Variants in KLF3 observed in about 807,000 individuals in gnomAD.
KLF3 encodes Krueppel-like factor 3.
KLF3 carries 6 observed loss-of-function variants against 32.7 expected under a neutral mutation model. The ratio of observed to expected loss-of-function variants is 0.18; its 90% CI spans 0.10 to 0.36. KLF3 has a LOEUF of 0.36. KLF3 is among the 10% of genes least tolerant of loss of function. KLF3 has a pLI of 1.00. For missense variants in KLF3, 338 were observed against 449.7 expected (o/e 0.75, Z 2.25); for synonymous variants, 145 against 172.8 (o/e 0.84, Z 1.26).
chr4:38,670,640 C>T (rs1416721649), intron 1 of KLF3, among the ~76,000 whole-genome samples: 1 of 152,210 alleles, frequency 6.6e-6, no homozygotes, highest in African/African-American at 2.4e-5. Context: ...GTTCCTGTTC[C>T]GCTGAGTTTC....
At chr4:38,694,506 T>G (rs1170026878) in intron 4 of KLF3, among the ~76,000 whole-genome samples, 1 of 152,198 alleles carries the variant, frequency 6.6e-6, no homozygotes, top group Non-Finnish European at 1.5e-5. Flanking sequence ...GAACCCTGTT[T>G]TTATTCATCT....
intron 1 of KLF3, among the ~76,000 whole-genome samples, chr4:38,676,122 C>T (rs1049694162): frequency 6.6e-6 from 1 of 152,144 alleles, no homozygotes; most frequent in Non-Finnish European, 1.5e-5. Flanking sequence ...CCTATCTTGT[C>T]TTTGTTAAAA....
At chr4:38,686,808 T>A (rs1480337308) in intron 2 of KLF3, among the ~76,000 whole-genome samples, 2 of 152,190 alleles carry the variant, frequency 1.3e-5, no homozygotes, top group African/African-American at 4.8e-5. Context: ...CAGATAAAGA[T>A]AAACACAGTT....
At position 38,686,206 on chromosome 4, in the gene KLF3, A is replaced by T. The variant is rs1371736482; in HGVS notation, c.58-2379A>T. Among the ~76,000 whole-genome samples, 6 of 152,096 alleles carry T rather than the reference A, an allele frequency of 3.9e-5. No individual in the cohort carries two copies. The East Asian group carries it at 1.2e-3, about 29-fold the overall frequency. On this transcript the variant is annotated intron_variant, in intron 2 of 5. Coordinates refer to ENST00000261438, the MANE Select transcript of KLF3 (RefSeq NM_016531.6). Reference sequence around the variant, plus strand: ...ATGTCTGTAATCCTAGAACTTTGGGAGGTTGAGGCAGGCAGATCACTTGAG... The same window carrying T: ...ATGTCTGTAATCCTAGAACTTTGGGTGGTTGAGGCAGGCAGATCACTTGAG...
intron 1 of KLF3, among the ~76,000 whole-genome samples, chr4:38,675,556 A>C (rs368086995): frequency 2.0e-5 from 3 of 152,346 alleles, no homozygotes; most frequent in South Asian, 4.1e-4. Flanking sequence ...AAAAAAATAG[A>C]ACCACATTTA....
At chr4:38,691,059 T>C (rs1722863217) in intron 4 of KLF3, among the ~76,000 whole-genome samples, 1 of 152,182 alleles carries the variant, frequency 6.6e-6, no homozygotes, top group Admixed American at 6.5e-5. Context: ...TATATTTCAT[T>C]ATTCCTCACA....
chr4:38,695,012 A>C, intron 5 of KLF3, 106 bp downstream of exon 5: 2 of 984,714 alleles, frequency 2.0e-6, no homozygotes, highest in Non-Finnish European at 3.0e-6. Context: ...AAGTCACCAC[A>C]GTCATCTCCA....
At chr4:38,685,074 C>T (rs747317347) in intron 2 of KLF3, among the ~76,000 whole-genome samples, 3 of 152,206 alleles carry the variant, frequency 2.0e-5, no homozygotes, top group East Asian at 1.9e-4. Context: ...GGGGCCAGTA[C>T]AGCCGTGCTT....
intron 2 of KLF3, among the ~76,000 whole-genome samples, chr4:38,682,197 T>TA (rs1722546568): frequency 6.6e-6 from 1 of 152,210 alleles, no homozygotes; most frequent in African/African-American, 2.4e-5. Flanking sequence ...TAGCTGGGAT[T>TA]ACAGGCGCAT....
At chr4:38,697,042 A>C (rs936240640) in intron 5 of KLF3, 40 bp from the exon 6 acceptor site, 6 of 1,525,586 alleles carry the variant, frequency 3.9e-6, no homozygotes, top group Non-Finnish European at 5.3e-6. Context: ...TACTACCTTT[A>C]CAGAAAAAAA....
At chr4:38,667,351 GAT>G (rs939418836) in intron 1 of KLF3, among the ~76,000 whole-genome samples, 5 of 152,172 alleles carry the variant, frequency 3.3e-5, no homozygotes, top group Non-Finnish European at 5.9e-5. Flanking sequence ...TTTTCTGGTA[GAT>G]CAGTAGCCCA....
chr4:38,699,533 T>C lies in KLF3; in HGVS notation c.*2270T>C, dbSNP rs2109260789. ...GGGGAAAGGGCGAGAAAGGATCAGA[T>C]TGATCTGGGATCAGCTTTGAGCCTG... On this transcript the variant is annotated 3_prime_UTR_variant, in exon 6 of 6. Transcript: ENST00000261438. 6.6e-6 allele frequency: 1 copy of C among 152,344 alleles called. No individual in the cohort carries two copies. The highest frequency in any genetic ancestry group is 6.5e-5 in the Admixed American group (1 of 15,298). 9.4% of individuals were successfully genotyped at this position (152,344 alleles called of 1,614,324 possible).
rs1722190386 is a variant in KLF3 at position 38,671,258 on chromosome 4, GGACCT to G, written c.-40+6802_-40+6806del. Among the ~76,000 whole-genome samples, 1 of 152,230 alleles carries G rather than the reference GGACCT, an allele frequency of 6.6e-6. No individual in the cohort carries two copies. On this transcript the variant is annotated intron_variant, in intron 1 of 5. Transcript: ENST00000261438. This position sits in a 1 kb window ranked among gnomAD's most constrained non-coding sequence, Gnocchi z 4.4. ...TTCCTCATTTCTAAAATGGGGATGA[GGACCT>G]GACCCTTCCACCTTTGTGCAGTTAT... is the stretch of plus-strand genomic sequence containing the variant.
At chr4:38,690,133 C>G in intron 4 of KLF3, 1 of 421,338 alleles carries the variant, frequency 2.4e-6, no homozygotes, top group Non-Finnish European at 4.2e-6. Flanking sequence ...GATTTTGCAC[C>G]TTACCACATG....
At chr4:38,682,307 C>T (rs553691774) in intron 2 of KLF3, among the ~76,000 whole-genome samples, 9 of 152,368 alleles carry the variant, frequency 5.9e-5, no homozygotes, top group African/African-American at 2.2e-4. Flanking sequence ...AATCCACCCA[C>T]CTCAGCCTCC....
Position 38,688,052 on chromosome 4 carries a change from T to C in KLF3, c.58-533T>C, listed in dbSNP as rs1722753878. Among the ~76,000 whole-genome samples, 1 of 152,168 alleles carries C rather than the reference T, an allele frequency of 6.6e-6. No homozygotes were observed. The highest frequency in any genetic ancestry group is 6.5e-5 in the Admixed American group (1 of 15,280). On this transcript the variant is annotated intron_variant, in intron 2 of 5. Coordinates refer to ENST00000261438, the MANE Select transcript of KLF3 (RefSeq NM_016531.6). The surrounding 1 kb of genome is among the most constrained non-coding windows in gnomAD (Gnocchi z 4.9). ...CCCATTCTTGCTTATTATACACAAG[T>C]ATGATGAGAAATCAATGTCCTGCTG...
chr4:38,694,779 G>A lies in KLF3; in HGVS notation c.729G>A (p.Lys243=), dbSNP rs745668753. 1.9e-6 allele frequency: 3 copies of A among 1,596,554 alleles called. No individual in the cohort carries two copies. The Admixed American group carries it at 5.5e-5, about 29-fold the overall frequency. ...NHPSVIVQPG[K]RPLPVESPDT... is the part of the protein sequence containing the mutation. ...CTTCGGTCATCGTGCAGCCTGGGAA[G>A]AGACCTTTACCTGTGGAATCCCCGG... The change falls in exon 5 of 6, where the codon AAG becomes AAA. Residue 243 remains lysine (K), a synonymous_variant. Transcript: ENST00000261438.
chr4:38,692,599 C>T (rs1722906034), intron 4 of KLF3, among the ~76,000 whole-genome samples: 1 of 152,098 alleles, frequency 6.6e-6, no homozygotes, highest in Non-Finnish European at 1.5e-5. Context: ...AACTAAGACA[C>T]AGAGAGGGCG....
At chr4:38,683,402 C>T (rs1205504181) in intron 2 of KLF3, among the ~76,000 whole-genome samples, 1 of 152,126 alleles carries the variant, frequency 6.6e-6, no homozygotes, top group African/African-American at 2.4e-5. Flanking sequence ...AGCCCTCATA[C>T]TGTTCTCCAC....
Sources: gnomAD v4.1 joint callset for allele counts (sites outside exome capture counted in the v4.1 genomes callset) on GRCh38, gnomAD v4.1.1 for gene constraint, Gnocchi (gnomAD v3.1) non-coding constraint, MANE v1.5 for transcripts, NCBI Gene and HGNC (gene_info 2026-07-23, HGNC 2026-07-21) for gene names.